CTNNA2: variants seen among roughly 807,000 people sequenced by gnomAD.
The protein encoded by CTNNA2 is catenin alpha-2.
CTNNA2 carries 42 observed loss-of-function variants against 101.0 expected under a neutral mutation model. That is an observed-to-expected ratio of 0.42 (90% CI 0.32 to 0.54). The LOEUF (loss-of-function observed/expected upper bound fraction) is 0.54. Ranked by LOEUF, CTNNA2 falls within the 20% of genes least tolerant of loss-of-function variation. The pLI is 0.14. For synonymous variants in CTNNA2, 450 were observed against 456.4 expected (o/e 0.99, Z 0.18); for missense variants, 871 against 1,223.1 (o/e 0.71, Z 4.29).
chr2:80,082,447 GA>G (rs566583709), intron 7 of CTNNA2, among the ~76,000 whole-genome samples: 54 of 152,152 alleles, frequency 3.5e-4, no homozygotes, highest in African/African-American at 1.2e-3. Flanking sequence ...TACAATCTAA[GA>G]AGAAAATTCA....
rs180795945 is a variant in CTNNA2 at position 80,174,561 on chromosome 2, C to T, written c.1057-218650C>T. Reference sequence around the variant, plus strand: ...TTACTCATGAACACATTCCTCTGACCGGGTTGCTATTCTGAGTTCCTAACG... The same window carrying T: ...TTACTCATGAACACATTCCTCTGACTGGGTTGCTATTCTGAGTTCCTAACG... On this transcript the variant is annotated intron_variant, in intron 7 of 18. Transcript: ENST00000402739. Among the ~76,000 whole-genome samples the T allele has an allele frequency of 5.1e-3, 770 of 152,244 alleles. 7 individuals carry two copies. The highest frequency in any genetic ancestry group is 8.0e-3 in the Admixed American group (122 of 15,286).
At chr2:79,349,424 C>T (rs1174268487) in intron 3 of CTNNA2, among the ~76,000 whole-genome samples, 2 of 152,100 alleles carry the variant, frequency 1.3e-5, no homozygotes, top group Non-Finnish European at 1.5e-5. Context: ...AGGGTTAGGG[C>T]TAATAAATTG....
At chr2:79,258,231 G>C (rs1015229438) in intron 2 of CTNNA2, among the ~76,000 whole-genome samples, 1 of 152,068 alleles carries the variant, frequency 6.6e-6, no homozygotes, top group African/African-American at 2.4e-5. Flanking sequence ...TTTTTTTCAT[G>C]GGGAGTAGAG....
chr2:80,302,195 C>G lies in CTNNA2; in HGVS notation c.1057-91016C>G. 3 of 1,567,598 alleles carry G rather than the reference C, an allele frequency of 1.9e-6. No individual in the cohort carries two copies. The highest frequency in any genetic ancestry group is 8.6e-7 in the Non-Finnish European group (1 of 1,156,442). ...GACCCCAGCCTGGTGCCCGCCGGCCCGTCCCGGCTGCCCAGGCGTATTTGG... is the reference window on the plus strand; with the variant it reads ...GACCCCAGCCTGGTGCCCGCCGGCCGGTCCCGGCTGCCCAGGCGTATTTGG... On this transcript the variant is annotated intron_variant, in intron 7 of 18. Transcript: ENST00000402739. This position sits in a 1 kb window ranked among gnomAD's most constrained non-coding sequence, Gnocchi z 6.4.
intron 7 of CTNNA2, among the ~76,000 whole-genome samples, chr2:80,344,085 A>C (rs1053875884): frequency 6.6e-6 from 1 of 152,134 alleles, no homozygotes; most frequent in African/African-American, 2.4e-5. Flanking sequence ...TCCTGAATCC[A>C]ATGGAGGACT....
chr2:79,293,644 A>T (rs1055004077), intron 2 of CTNNA2, among the ~76,000 whole-genome samples: 1 of 152,176 alleles, frequency 6.6e-6, no homozygotes, highest in African/African-American at 2.4e-5. Flanking sequence ...GAATTAACAT[A>T]AGGCCATTCA....
At chr2:79,860,546 G>GTTTTTTTTTTTCTTTTTTTTTT (rs1553385351) in intron 4 of CTNNA2, among the ~76,000 whole-genome samples, 1 of 107,180 alleles carries the variant, frequency 9.3e-6, no homozygotes, top group African/African-American at 3.7e-5. Context: ...AGTAAGGGAA[G>GTTTTTTTTTTTCTTTTTTTTTT]TTTTTTTTTT....
At chr2:80,335,898 A>G (rs1365322001) in intron 7 of CTNNA2, among the ~76,000 whole-genome samples, 1 of 152,184 alleles carries the variant, frequency 6.6e-6, no homozygotes. Flanking sequence ...CAGAAAAGTT[A>G]AGAGTTGACC....
At position 79,425,866 on chromosome 2, in the gene CTNNA2, C is replaced by T. The variant is rs966164080; in HGVS notation, c.-135+51853C>T. ...AAAGATGTTTATCTTTTTTGATAGTCTTCATCATATGTTTATAGCTTCTAA... is the reference window on the plus strand; with the variant it reads ...AAAGATGTTTATCTTTTTTGATAGTTTTCATCATATGTTTATAGCTTCTAA... On this transcript the variant is annotated intron_variant, in intron 4 of 21. Transcript: ENST00000466387. Among the ~76,000 whole-genome samples the T allele has an allele frequency of 7.2e-5, 11 of 152,150 alleles. No individual in the cohort carries two copies. The East Asian group carries it at 1.9e-3, about 27-fold the overall frequency.
rs555989762 is a variant in CTNNA2, at chr2:79,246,982, T to G, written c.-406+48906T>G. ...AAAGCTAGGGCTCATGGCCTTTGGTTTGCATCATGAATCACTCACAGGATA... is the reference window on the plus strand; with the variant it reads ...AAAGCTAGGGCTCATGGCCTTTGGTGTGCATCATGAATCACTCACAGGATA... On this transcript the variant is annotated intron_variant, in intron 2 of 21. Coordinates refer to the CTNNA2 transcript ENST00000466387. Among the ~76,000 whole-genome samples, 5 of 152,316 alleles carry G rather than the reference T, an allele frequency of 3.3e-5. 1 individual carries two copies. The highest frequency in any genetic ancestry group is 1.2e-4 in the African/African-American group (5 of 41,572).
At chr2:79,391,930 G>C (rs949387889) in intron 4 of CTNNA2, among the ~76,000 whole-genome samples, 3 of 152,128 alleles carry the variant, frequency 2.0e-5, no homozygotes, top group African/African-American at 7.2e-5. Context: ...CCATCTTGCT[G>C]CATCCTCACA....
intron 4 of CTNNA2, among the ~76,000 whole-genome samples, chr2:79,467,846 C>G (rs1051383896): frequency 6.6e-6 from 1 of 152,138 alleles, no homozygotes; most frequent in African/African-American, 2.4e-5. Context: ...TTTGTCACTA[C>G]CAGGCTTGCC....
rs1484841704 is a variant in CTNNA2, at chr2:80,302,186, C to T, written c.1057-91025C>T. On this transcript the variant is annotated intron_variant, in intron 7 of 18. Coordinates refer to ENST00000402739, the MANE Select transcript of CTNNA2 (RefSeq NM_001282597.3). This position sits in a 1 kb window ranked among gnomAD's most constrained non-coding sequence, Gnocchi z 6.4. ...AGACAAGGAGACCCCAGCCTGGTGCCCGCCGGCCCGTCCCGGCTGCCCAGG... is the reference window on the plus strand; with the variant it reads ...AGACAAGGAGACCCCAGCCTGGTGCTCGCCGGCCCGTCCCGGCTGCCCAGG... 1 of 1,558,958 alleles carries T rather than the reference C, an allele frequency of 6.4e-7. No individual in the cohort carries two copies. Among genetic ancestry groups the T allele is most frequent in the African/African-American group, 1.4e-5 (1 of 73,992 alleles).
intron 7 of CTNNA2, chr2:80,313,556 G>T (rs771385300): frequency 1.8e-5 from 29 of 1,610,738 alleles, no homozygotes; most frequent in Non-Finnish European, 2.4e-5. Context: ...AAGACGAATT[G>T]ACCAGATGGA....
intron 12 of CTNNA2, among the ~76,000 whole-genome samples, chr2:80,566,358 A>AG (rs1694063555): frequency 6.6e-6 from 1 of 152,120 alleles, no homozygotes. Flanking sequence ...TTCAAGGTTG[A>AG]GGGGATTACA....
At chr2:79,276,146 A>G (rs548451532) in intron 2 of CTNNA2, among the ~76,000 whole-genome samples, 30 of 152,270 alleles carry the variant, frequency 2.0e-4, no homozygotes, top group Middle Eastern at 6.8e-3. Context: ...AAAGAAGGTC[A>G]CAGAAGTAAG....
intron 7 of CTNNA2, among the ~76,000 whole-genome samples, chr2:79,939,479 T>C: frequency 6.6e-6 from 1 of 152,238 alleles, no homozygotes; most frequent in Admixed American, 6.5e-5. Context: ...TTTTTTTCCT[T>C]AATATTTAGA....
At chr2:80,177,278 C>T (rs755198818) in intron 7 of CTNNA2, among the ~76,000 whole-genome samples, 4 of 152,104 alleles carry the variant, frequency 2.6e-5, no homozygotes, top group South Asian at 4.1e-4. Flanking sequence ...ATGGTAGTCT[C>T]GGCAGAAGCA....
chr2:79,802,062 C>T (rs1676210776), intron 3 of CTNNA2, among the ~76,000 whole-genome samples: 1 of 149,672 alleles, frequency 6.7e-6, no homozygotes, highest in African/African-American at 2.5e-5. Context: ...AAAGAAAAGG[C>T]AGAAGCTTCT....
Sources: allele counts gnomAD v4.1 joint callset (sites outside exome capture counted in the v4.1 genomes callset), GRCh38; gene constraint gnomAD v4.1.1; non-coding constraint Gnocchi (gnomAD v3.1); transcripts MANE v1.5; gene names NCBI Gene and HGNC (gene_info 2026-07-23, HGNC 2026-07-21).